GRIP1: variants seen among roughly 807,000 people sequenced by gnomAD.
GRIP1 encodes the protein glutamate receptor interacting protein 1.
In GRIP1, 45 loss-of-function variants were observed where a neutral mutation model predicts 129.9. That is an observed-to-expected ratio of 0.35 (90% CI 0.27 to 0.44). GRIP1 has a LOEUF of 0.44. Among genes scored for constraint, GRIP1 ranks in the 20% least tolerant of loss-of-function variants. The pLI, the probability that GRIP1 is intolerant of heterozygous loss-of-function variation, is 1.00. For synonymous variants in GRIP1, 530 were observed against 520.8 expected, an observed-to-expected ratio of 1.02 and a Z score of -0.24; for missense variants, 1,196 against 1,396.8, an observed-to-expected ratio of 0.86 and a Z score of 2.29.
chr12:66,669,150 C>T (rs2033946952), intron 1 of GRIP1, among the ~76,000 whole-genome samples: 5 of 152,142 alleles, frequency 3.3e-5, no homozygotes, highest in African/African-American at 1.2e-4. Context: ...TGGTGGCTCA[C>T]ACCTGTAATC....
chr12:66,503,075 A>G (rs2060434696), intron 7 of GRIP1, among the ~76,000 whole-genome samples: 1 of 152,258 alleles, frequency 6.6e-6, no homozygotes, highest in Admixed American at 6.5e-5. Context: ...CAGCCAGTGC[A>G]CCAGGGAGAG....
At chr12:66,357,809 G>A (rs772100159) in intron 23 of GRIP1, among the ~76,000 whole-genome samples, 3 of 152,124 alleles carry the variant, frequency 2.0e-5, no homozygotes, top group Non-Finnish European at 4.4e-5. Context: ...TAAATACTTC[G>A]AATGGTGGCC....
chr12:66,904,821 G>A (rs967977380), intron 1 of GRIP1, among the ~76,000 whole-genome samples: 12 of 151,874 alleles, frequency 7.9e-5, no homozygotes, highest in African/African-American at 1.2e-4. Context: ...GAACCCAGGA[G>A]GCAGAGGTTG....
chr12:66,911,179 T>C (rs1056816493), intron 1 of GRIP1, among the ~76,000 whole-genome samples: 3 of 152,154 alleles, frequency 2.0e-5, no homozygotes, highest in African/African-American at 7.2e-5. Flanking sequence ...AACTGGAGCT[T>C]TGAGATCCCA....
At chr12:66,657,748 C>A (rs537453956) in intron 1 of GRIP1, among the ~76,000 whole-genome samples, 1 of 152,162 alleles carries the variant, frequency 6.6e-6, no homozygotes, top group Admixed American at 6.5e-5. Context: ...AAGCTATTCC[C>A]GCATATCTAG....
intron 1 of GRIP1, among the ~76,000 whole-genome samples, chr12:66,626,231 TTG>T (rs2030019089): frequency 1.1e-4 from 17 of 151,380 alleles, no homozygotes; most frequent in African/African-American, 1.9e-4. Flanking sequence ...TCCCAGCTAC[TTG>T]GGAGGCTGAG....
chr12:66,695,490 T>C (rs2035124990), intron 1 of GRIP1, among the ~76,000 whole-genome samples: 2 of 152,200 alleles, frequency 1.3e-5, no homozygotes, highest in African/African-American at 2.4e-5. Flanking sequence ...CTCTTGGCCC[T>C]AGTCCATGTC....
chr12:66,466,822 A>G (rs1041396882), intron 7 of GRIP1, among the ~76,000 whole-genome samples: 1 of 152,074 alleles, frequency 6.6e-6, no homozygotes, highest in Non-Finnish European at 1.5e-5. Flanking sequence ...GATGTTTGAC[A>G]CTCCATTAAT....
chr12:66,522,993 GAAAC>G (rs1208985756), intron 5 of GRIP1, among the ~76,000 whole-genome samples: 1 of 152,166 alleles, frequency 6.6e-6, no homozygotes, highest in Non-Finnish European at 1.5e-5. Context: ...AGAATAAAAA[GAAAC>G]AAACAAAGCC....
At position 66,392,339 on chromosome 12, in the gene GRIP1, C is replaced by T. The variant is rs779325243; in HGVS notation, c.2433G>A (p.Gly811=). The T allele has an allele frequency of 3.7e-6, 6 of 1,612,660 alleles. No individual in the cohort carries two copies. In the East Asian group the frequency reaches 8.9e-5, roughly 24 times the overall value. ...SVDSAVDSWD[G]SAIDTSYGTQ... ...TTCCATAGCTGGTGTCTATTGCAGA[C>T]CCATCCCATGAATCCACAGCACTGT... Residue 811 remains glycine, a synonymous_variant, in exon 19 of 25, where the codon GGG becomes GGA. Transcript: ENST00000359742.
chr12:66,597,439 G>C, intron 1 of GRIP1, among the ~76,000 whole-genome samples: 1 of 152,126 alleles, frequency 6.6e-6, no homozygotes, highest in Non-Finnish European at 1.5e-5. Context: ...AGAGTTAGTA[G>C]GTTCCTCCTG....
chr12:66,568,339 A>C (rs1244881616), intron 2 of GRIP1: 1 of 178,448 alleles, frequency 5.6e-6, no homozygotes, highest in African/African-American at 2.4e-5. Context: ...GGATATGCAA[A>C]AAATGTCTGC....
intron 8 of GRIP1, 78 bp downstream of exon 8, chr12:66,465,197 C>T (rs571256524): frequency 2.9e-5 from 36 of 1,237,738 alleles, no homozygotes; most frequent in South Asian, 2.3e-4. Flanking sequence ...TCACCCGCCT[C>T]GGCCTCCCAA....
At chr12:66,620,933 C>T (rs2065243439) in intron 1 of GRIP1, among the ~76,000 whole-genome samples, 1 of 152,092 alleles carries the variant, frequency 6.6e-6, no homozygotes, top group South Asian at 2.1e-4. Context: ...GCCCAAACTT[C>T]CCTAATTCAC....
rs376863443 is a variant in GRIP1, at chr12:66,563,984, G to C, written c.137-22034C>G. 3.9e-5 allele frequency: 6 copies of C among 153,314 alleles called. No homozygotes were observed. The East Asian group carries it at 5.9e-4, about 15-fold the overall frequency. 9.5% of individuals were successfully genotyped at this position (153,314 alleles called of 1,614,324 possible). On this transcript the variant is annotated intron_variant, in intron 2 of 24. Coordinates refer to ENST00000359742, the MANE Select transcript of GRIP1 (RefSeq NM_001366722.1). Reference sequence around the variant, plus strand: ...GGCTTGGCAGCACCAAGATAATTCAGTAATAGTTCATCATAAACCCAATAT... The same window carrying C: ...GGCTTGGCAGCACCAAGATAATTCACTAATAGTTCATCATAAACCCAATAT...
At chr12:66,855,705 A>C (rs1476769762) in intron 1 of GRIP1, among the ~76,000 whole-genome samples, 1 of 152,072 alleles carries the variant, frequency 6.6e-6, no homozygotes, top group Non-Finnish European at 1.5e-5. Flanking sequence ...CCCCAATGCT[A>C]ATAACTAAAT....
intron 1 of GRIP1, among the ~76,000 whole-genome samples, chr12:67,021,311 C>T (rs999048320): frequency 3.3e-5 from 5 of 152,080 alleles, no homozygotes; most frequent in Non-Finnish European, 7.4e-5. Context: ...TGTCCCCCAA[C>T]AACAACAAAA....
rs138770675 is a variant in GRIP1, at chr12:66,816,781, T to C, written c.59-219854A>G. 4.6e-3 allele frequency among the ~76,000 whole-genome samples: 705 copies of C among 152,244 alleles called. 7 individuals carry two copies. The highest frequency in any genetic ancestry group is 0.015 in the African/African-American group (626 of 41,552). ...AGAAACAAGAATTCTAACAGTAGAC[T>C]TTGAACTTCTTACAGAATCTTAAAG... On this transcript the variant is annotated intron_variant, in intron 1 of 1. Transcript: ENST00000643019.
At chr12:67,057,964 T>A (rs539847959) in intron 1 of GRIP1, among the ~76,000 whole-genome samples, 47 of 152,362 alleles carry the variant, frequency 3.1e-4, no homozygotes, top group South Asian at 1.5e-3. Context: ...GCCACTTTTT[T>A]AAATCAACAA....
Sources: allele counts gnomAD v4.1 joint callset (sites outside exome capture counted in the v4.1 genomes callset), GRCh38; gene constraint gnomAD v4.1.1; transcripts MANE v1.5; gene names NCBI Gene and HGNC (gene_info 2026-07-23, HGNC 2026-07-21).